Variants in YAF2 observed in about 807,000 individuals in gnomAD.
The protein encoded by YAF2 is YY1-associated factor 2.
In YAF2, 7 loss-of-function variants were observed where a neutral mutation model predicts 20.1. The observed-to-expected ratio is 0.35, with a 90% confidence interval of 0.20 to 0.65. YAF2 has a LOEUF of 0.65. Among genes scored for constraint, YAF2 ranks in the 30% least tolerant of loss-of-function variants. The probability of loss-of-function intolerance (pLI) is 0.69; values close to 1 mark genes in which losing one functional copy is unlikely to be tolerated. For missense variants in YAF2, 151 were observed against 219.2 expected, an observed-to-expected ratio of 0.69 and a Z score of 1.96; for synonymous variants, 74 against 76.0, an observed-to-expected ratio of 0.97 and a Z score of 0.14.
intron 2 of YAF2, among the ~76,000 whole-genome samples, chr12:42,199,725 A>C (rs2066849222): frequency 6.6e-6 from 1 of 152,184 alleles, no homozygotes; most frequent in South Asian, 2.1e-4. Flanking sequence ...AACCAAAGAC[A>C]CAGAATACGG....
chr12:42,197,276 C>G (rs977440551), intron 2 of YAF2, among the ~76,000 whole-genome samples: 14 of 152,160 alleles, frequency 9.2e-5, no homozygotes, highest in Non-Finnish European at 2.1e-4. Context: ...TGGCTATGAA[C>G]CCTCCTCTAA....
At chr12:42,197,407 T>C (rs938428650) in intron 2 of YAF2, among the ~76,000 whole-genome samples, 2 of 152,248 alleles carry the variant, frequency 1.3e-5, no homozygotes, top group Admixed American at 6.5e-5. Flanking sequence ...AAGAAGAATA[T>C]TCTTTGCTTC....
intron 2 of YAF2, among the ~76,000 whole-genome samples, chr12:42,174,300 T>C (rs1327823437): frequency 6.6e-6 from 1 of 152,116 alleles, no homozygotes; most frequent in African/African-American, 2.4e-5. Flanking sequence ...GATAACCACT[T>C]TACCAACAGT....
chr12:42,238,089 C>A, intron 1 of YAF2, 66 bp downstream of exon 1: 1 of 1,353,330 alleles, frequency 7.4e-7, no homozygotes, highest in South Asian at 1.7e-5. Flanking sequence ...GAGGCGGCCA[C>A]CCGAAGCCCT....
At chr12:42,227,368 G>A (rs1408016689) in intron 2 of YAF2, among the ~76,000 whole-genome samples, 66 of 72,148 alleles carry the variant, frequency 9.1e-4, no homozygotes, top group African/African-American at 5.8e-3. Flanking sequence ...GTCTCCGCCC[G>A]GCCGCCATCC....
intron 1 of YAF2, chr12:42,237,926 C>T: frequency 2.2e-6 from 1 of 444,494 alleles, no homozygotes; most frequent in Non-Finnish European, 3.1e-6. Context: ...CAGTCGCCGC[C>T]GCCACAGCCG....
intron 2 of YAF2, among the ~76,000 whole-genome samples, chr12:42,162,165 A>G (rs1404453181): frequency 6.6e-6 from 1 of 152,184 alleles, no homozygotes; most frequent in Non-Finnish European, 1.5e-5. Context: ...ATACCTGACC[A>G]TTTGTGACAA....
chr12:42,176,896 G>A (rs1031397401), intron 2 of YAF2, among the ~76,000 whole-genome samples: 4 of 152,130 alleles, frequency 2.6e-5, no homozygotes, highest in South Asian at 4.1e-4. Flanking sequence ...GAACCCAGGA[G>A]GGGGAGGTTG....
intron 2 of YAF2, among the ~76,000 whole-genome samples, chr12:42,179,179 G>A (rs1428739531): frequency 6.6e-6 from 1 of 152,184 alleles, no homozygotes; most frequent in Non-Finnish European, 1.5e-5. Context: ...TGATTCTAAT[G>A]TGCAGTGAGG....
At chr12:42,169,439 A>G (rs1481696685) in intron 2 of YAF2, among the ~76,000 whole-genome samples, 3 of 151,914 alleles carry the variant, frequency 2.0e-5, no homozygotes, top group Non-Finnish European at 4.4e-5. Context: ...TTTCGGAGAC[A>G]TAGTCTCACT....
intron 2 of YAF2, among the ~76,000 whole-genome samples, chr12:42,224,872 A>G (rs1231490754): frequency 6.6e-6 from 1 of 152,200 alleles, no homozygotes. Context: ...AATGATTTAT[A>G]ATCCTTTGGG....
chr12:42,235,995 T>A (rs1388419742), intron 2 of YAF2: 1 of 1,536,082 alleles, frequency 6.5e-7, no homozygotes, highest in African/African-American at 1.4e-5. Context: ...TTCCTTGCTG[T>A]CCCTGCAAAT....
At chr12:42,215,814 C>A (rs898630117) in intron 2 of YAF2, among the ~76,000 whole-genome samples, 10 of 151,780 alleles carry the variant, frequency 6.6e-5, no homozygotes, top group African/African-American at 2.4e-4. Flanking sequence ...CCTAGCTACT[C>A]GGGAGGCTGA....
At chr12:42,228,155 T>C (rs1382479197) in intron 2 of YAF2, among the ~76,000 whole-genome samples, 1 of 15,532 alleles carries the variant, frequency 6.4e-5, no homozygotes, top group African/African-American at 4.0e-4. Context: ...GTGGGGGGGG[T>C]CGGCCCCCCG....
chr12:42,237,011 T>G (rs1233811800), intron 2 of YAF2, among the ~76,000 whole-genome samples: 1 of 152,224 alleles, frequency 6.6e-6, no homozygotes, highest in African/African-American at 2.4e-5. Flanking sequence ...ACTAAAGATA[T>G]AAAGGTACTT....
rs1404355654 is a variant in YAF2 at position 42,180,241 on chromosome 12, A to T, written c.153-18476T>A. ...AAACCGATTGGATGTCATTTCCAAA[A>T]TTAGCTTACTAAAACACTCTAGCTT... is the stretch of plus-strand genomic sequence containing the variant. On this transcript the variant is annotated intron_variant, in intron 2 of 3. Coordinates refer to ENST00000534854, the MANE Select transcript of YAF2 (RefSeq NM_005748.6). Among the ~76,000 whole-genome samples the T allele has an allele frequency of 4.6e-5, 7 of 152,198 alleles. No individual in the cohort carries two copies. In the East Asian group the frequency reaches 9.6e-4, roughly 21 times the overall value.
chr12:42,229,915 A>G (rs2067927137), intron 2 of YAF2, among the ~76,000 whole-genome samples: 1 of 152,238 alleles, frequency 6.6e-6, no homozygotes, highest in Non-Finnish European at 1.5e-5. Context: ...GACTCTACAT[A>G]CATAGAATCA....
intron 2 of YAF2, among the ~76,000 whole-genome samples, chr12:42,224,782 G>T (rs1271516087): frequency 6.6e-6 from 1 of 152,166 alleles, no homozygotes; most frequent in Non-Finnish European, 1.5e-5. Context: ...ATCATTGATG[G>T]GCATTTGGGT....
intron 2 of YAF2, chr12:42,235,577 G>A (rs2068124066): frequency 3.5e-6 from 5 of 1,412,492 alleles, no homozygotes; most frequent in Admixed American, 2.9e-5. Context: ...GAGAGAGGAA[G>A]GAAGAAGCTG....
Sources: gnomAD v4.1 joint callset for allele counts (sites outside exome capture counted in the v4.1 genomes callset) on GRCh38, gnomAD v4.1.1 for gene constraint, MANE v1.5 for transcripts, NCBI Gene and HGNC (gene_info 2026-07-23, HGNC 2026-07-21) for gene names.